The following SCFD2 variants were observed in gnomAD, a reference collection of about 807,000 sequenced individuals.
The protein encoded by SCFD2 is sec1 family domain containing 2.
In SCFD2, 54 loss-of-function variants were observed where a neutral mutation model predicts 58.9. The observed-to-expected ratio is 0.92, with a 90% CI of 0.74 to 1.15. SCFD2 has a LOEUF of 1.15. Ranked by LOEUF, SCFD2 falls within the 50% of genes most tolerant of loss-of-function variation. The probability of loss-of-function intolerance (pLI) is 0.00; values close to 1 mark genes in which losing one functional copy is unlikely to be tolerated. For synonymous variants in SCFD2, 321 were observed against 335.9 expected, an observed-to-expected ratio of 0.96 and a Z score of 0.49; for missense variants, 805 against 836.6, an observed-to-expected ratio of 0.96 and a Z score of 0.47.
intron 4 of SCFD2, among the ~76,000 whole-genome samples, chr4:53,229,786 T>C (rs1412341450): frequency 1.3e-5 from 2 of 152,110 alleles, no homozygotes; most frequent in South Asian, 4.1e-4. Context: ...CTCATTAAAC[T>C]AAAGAGCTTC....
Position 52,873,144 on chromosome 4 carries a change from T to C in SCFD2, c.*825A>G, listed in dbSNP as rs1394476461. 3 of 152,212 alleles carry C rather than the reference T, an allele frequency of 2.0e-5. No individual in the cohort carries two copies. Among genetic ancestry groups the C allele is most frequent in the African/African-American group, 7.2e-5 (3 of 41,462 alleles). The allele number at this position is 152,212 out of a possible 1,614,324, so 9.4% of individuals were successfully genotyped here. A position where few individuals can be genotyped will look rare whatever the true frequency, so the allele number is the denominator to read the frequency against. The stretch of plus-strand genomic sequence containing the variant: ...TTCTGCTATGGTCAGATGGAAAACT[T>C]AAACTTACAGAAAAGAAAGCTTTAT... On this transcript the variant is annotated 3_prime_UTR_variant, in exon 9 of 9. Coordinates refer to ENST00000401642, the MANE Select transcript of SCFD2 (RefSeq NM_152540.4).
chr4:52,879,386 G>A (rs1470535167), intron 8 of SCFD2, among the ~76,000 whole-genome samples: 2 of 152,230 alleles, frequency 1.3e-5, no homozygotes, highest in African/African-American at 2.4e-5. Context: ...GAGCCTGAAC[G>A]ACACTGCAAC....
intron 5 of SCFD2, among the ~76,000 whole-genome samples, chr4:52,969,915 A>G (rs301105): frequency 0.029 from 4,461 of 152,326 alleles, 231 homozygotes; most frequent in African/African-American, 0.1. Flanking sequence ...GCAAAAATGA[A>G]AATCACTGTT....
At chr4:53,156,555 G>A (rs146102007) in intron 4 of SCFD2, among the ~76,000 whole-genome samples, 2,810 of 151,440 alleles carry the variant, frequency 0.019, 93 homozygotes, top group African/African-American at 0.064. Flanking sequence ...AAAATTAGCC[G>A]GGTGTGGTGG....
chr4:53,246,803 T>G (rs934184787), intron 4 of SCFD2, among the ~76,000 whole-genome samples: 1 of 152,020 alleles, frequency 6.6e-6, no homozygotes, highest in Non-Finnish European at 1.5e-5. Flanking sequence ...GACTTCATGA[T>G]GAAGTTGCCA....
intron 5 of SCFD2, among the ~76,000 whole-genome samples, chr4:53,109,727 A>T (rs1446505838): frequency 6.6e-6 from 1 of 152,188 alleles, no homozygotes; most frequent in African/African-American, 2.4e-5. Context: ...AGAGGACACA[A>T]ACAAATGGAA....
At chr4:53,340,081 C>T (rs920962561) in intron 2 of SCFD2, among the ~76,000 whole-genome samples, 1 of 152,116 alleles carries the variant, frequency 6.6e-6, no homozygotes, top group Admixed American at 6.5e-5. Flanking sequence ...AACTGAGGTA[C>T]CGGGTTCATC....
At chr4:52,922,274 A>T (rs1389529412) in intron 5 of SCFD2, among the ~76,000 whole-genome samples, 1 of 152,224 alleles carries the variant, frequency 6.6e-6, no homozygotes, top group Non-Finnish European at 1.5e-5. Context: ...TTTAACAACC[A>T]TCATCACCAC....
intron 5 of SCFD2, among the ~76,000 whole-genome samples, chr4:53,102,976 A>C (rs563154538): frequency 6.6e-6 from 1 of 152,264 alleles, no homozygotes; most frequent in South Asian, 2.1e-4. Flanking sequence ...GAGAGAAGGA[A>C]AGGCTCTTCC....
intron 3 of SCFD2, among the ~76,000 whole-genome samples, chr4:53,290,041 C>A (rs1022587509): frequency 6.6e-6 from 1 of 152,092 alleles, no homozygotes; most frequent in Non-Finnish European, 1.5e-5. Flanking sequence ...GAGTTCAATA[C>A]CCCCATTTGA....
At position 53,316,255 on chromosome 4, in the gene SCFD2, C is replaced by A. The variant is rs1732859346; in HGVS notation, c.1008-2492G>T. On this transcript the variant is annotated intron_variant, in intron 2 of 8. Coordinates refer to ENST00000401642, the MANE Select transcript of SCFD2 (RefSeq NM_152540.4). The stretch of plus-strand genomic sequence containing the variant: ...CTGTCTCTCTCATAAAAGGTGGGGT[C>A]CTTCTATGAAGGCAGGGACTTTGTT... 2.0e-5 allele frequency among the ~76,000 whole-genome samples: 3 copies of A among 152,288 alleles called. No homozygotes were observed. In the South Asian group the frequency reaches 6.2e-4, roughly 32 times the overall value.
intron 2 of SCFD2, among the ~76,000 whole-genome samples, chr4:53,323,011 A>G (rs1365968909): frequency 6.6e-6 from 1 of 152,234 alleles, no homozygotes; most frequent in Non-Finnish European, 1.5e-5. Context: ...AAGAAGGTTC[A>G]TTTCAATCAG....
intron 8 of SCFD2, among the ~76,000 whole-genome samples, chr4:52,876,375 A>G (rs951206301): frequency 1.1e-4 from 17 of 152,196 alleles, no homozygotes; most frequent in African/African-American, 4.1e-4. Context: ...AGAAAAATAC[A>G]CAGACATTCA....
intron 4 of SCFD2, among the ~76,000 whole-genome samples, chr4:53,191,507 A>C (rs998118433): frequency 6.6e-6 from 1 of 151,938 alleles, no homozygotes; most frequent in Non-Finnish European, 1.5e-5. Flanking sequence ...CCCCGGTTCC[A>C]GTGATTCTCC....
intron 4 of SCFD2, among the ~76,000 whole-genome samples, chr4:53,242,991 G>A (rs1479390664): frequency 2.6e-5 from 4 of 152,118 alleles, no homozygotes; most frequent in Non-Finnish European, 5.9e-5. Context: ...TATGTAAAGA[G>A]ACTAAATCTA....
intron 6 of SCFD2, among the ~76,000 whole-genome samples, chr4:52,915,720 A>G (rs148869312): frequency 6.6e-6 from 1 of 152,328 alleles, no homozygotes; most frequent in Non-Finnish European, 1.5e-5. Flanking sequence ...GCTTGAGTTC[A>G]CACAGCCAAT....
intron 4 of SCFD2, among the ~76,000 whole-genome samples, chr4:53,239,189 T>A (rs1253956831): frequency 6.6e-6 from 1 of 151,284 alleles, no homozygotes; most frequent in African/African-American, 2.4e-5. Context: ...CGAAACCCCG[T>A]CTCCACCAAA....
chr4:53,092,703 G>T (rs1417895192), intron 5 of SCFD2, among the ~76,000 whole-genome samples: 1 of 151,970 alleles, frequency 6.6e-6, no homozygotes, highest in African/African-American at 2.4e-5. Flanking sequence ...GGGGAAAAAA[G>T]CTAACCTCAA....
chr4:53,256,871 GA>G (rs1221145235), intron 4 of SCFD2, among the ~76,000 whole-genome samples: 1 of 138,742 alleles, frequency 7.2e-6, no homozygotes, highest in Non-Finnish European at 1.6e-5. Context: ...GAGGGAGAGG[GA>G]GACCGTGGGG....
Sources: gnomAD v4.1 joint callset for allele counts (sites outside exome capture counted in the v4.1 genomes callset) on GRCh38, gnomAD v4.1.1 for gene constraint, MANE v1.5 for transcripts, NCBI Gene and HGNC (gene_info 2026-07-23, HGNC 2026-07-21) for gene names.